TAF4B: variants seen among roughly 807,000 people sequenced by gnomAD.
TAF4B encodes TATA-box binding protein associated factor 4b, also known as transcription initiation factor TFIID subunit 4B.
A neutral mutation model predicts 86.4 loss-of-function variants in TAF4B; 38 were observed. That is an observed-to-expected ratio of 0.44 (90% CI 0.34 to 0.58). The LOEUF (loss-of-function observed/expected upper bound fraction) is 0.58. Ranked by LOEUF, TAF4B falls within the 20% of genes least tolerant of loss-of-function variation. The pLI is 0.02. For missense variants in TAF4B, 988 were observed against 1,027.6 expected (o/e 0.96, Z 0.53); for synonymous variants, 388 against 391.2 (o/e 0.99, Z 0.10).
intron 14 of TAF4B, among the ~76,000 whole-genome samples, chr18:26,374,650 A>G (rs1398857408): frequency 6.6e-6 from 1 of 152,318 alleles, no homozygotes; most frequent in Admixed American, 6.5e-5. Context: ...CATAGTTTAA[A>G]TGATGGTTAA....
intron 1 of TAF4B, among the ~76,000 whole-genome samples, chr18:26,261,632 C>A (rs1236615890): frequency 6.6e-6 from 1 of 152,172 alleles, no homozygotes; most frequent in Non-Finnish European, 1.5e-5. Flanking sequence ...TCAACAATGC[C>A]CTAGAGCCTA....
intron 1 of TAF4B, among the ~76,000 whole-genome samples, chr18:26,247,145 G>T (rs1048625201): frequency 6.6e-6 from 1 of 152,148 alleles, no homozygotes; most frequent in Non-Finnish European, 1.5e-5. Context: ...GATTACAGGC[G>T]TGAGCCACCA....
chr18:26,338,099 A>G (rs2144701985), intron 13 of TAF4B, among the ~76,000 whole-genome samples: 1 of 152,290 alleles, frequency 6.6e-6, no homozygotes, highest in African/African-American at 2.4e-5. Flanking sequence ...TTAAATCACA[A>G]TCTGAATCCC....
chr18:26,330,071 T>C (rs2057038931), intron 12 of TAF4B, among the ~76,000 whole-genome samples: 1 of 152,200 alleles, frequency 6.6e-6, no homozygotes, highest in Non-Finnish European at 1.5e-5. Context: ...TCTAAGATGA[T>C]ACCAATATCC....
chr18:26,258,709 T>A (rs1269989855), intron 1 of TAF4B, among the ~76,000 whole-genome samples: 5 of 152,104 alleles, frequency 3.3e-5, no homozygotes, highest in Admixed American at 1.3e-4. Context: ...AAAAAATTTT[T>A]TTTAGAGACA....
intron 13 of TAF4B, among the ~76,000 whole-genome samples, chr18:26,347,470 G>T (rs1402036079): frequency 6.6e-6 from 1 of 152,014 alleles, no homozygotes; most frequent in Non-Finnish European, 1.5e-5. Flanking sequence ...TTTCTTTACA[G>T]GAAAAGATCC....
chr18:26,318,369 T>TTA (rs1369857932), intron 10 of TAF4B, among the ~76,000 whole-genome samples: 2 of 151,822 alleles, frequency 1.3e-5, no homozygotes, highest in African/African-American at 4.8e-5. Context: ...TTTTTTTTTT[T>TTA]AAAGTAGGAT....
At chr18:26,285,222 G>GTTTTTTTTTTTGTTTTTTTTTTTTTT (rs1555677501) in intron 6 of TAF4B, among the ~76,000 whole-genome samples, 2 of 45,660 alleles carry the variant, frequency 4.4e-5, no homozygotes, top group East Asian at 2.2e-3. Context: ...TTTTTTTTTT[G>GTTTTTTTTTTTGTTTTTTTTTTTTTT]TTTTTTTTTT....
intron 1 of TAF4B, among the ~76,000 whole-genome samples, chr18:26,263,491 TCCTTGG>T (rs1262126921): frequency 2.6e-5 from 4 of 152,216 alleles, no homozygotes; most frequent in Admixed American, 2.6e-4. Context: ...CCTTTCCTTG[TCCTTGG>T]CCTCTGTGTT....
intron 10 of TAF4B, among the ~76,000 whole-genome samples, chr18:26,320,467 G>C (rs1293203147): frequency 6.6e-6 from 1 of 152,214 alleles, no homozygotes; most frequent in African/African-American, 2.4e-5. Flanking sequence ...TCTAGTGAGA[G>C]AGAAGTTATT....
intron 1 of TAF4B, among the ~76,000 whole-genome samples, chr18:26,227,820 C>G (rs912687251): frequency 6.6e-6 from 1 of 152,228 alleles, no homozygotes; most frequent in Admixed American, 6.5e-5. Flanking sequence ...TACGGCCTAA[C>G]AGTGAAGTTC....
intron 7 of TAF4B, among the ~76,000 whole-genome samples, chr18:26,289,648 G>A (rs1359702710): frequency 6.6e-6 from 1 of 152,006 alleles, no homozygotes; most frequent in African/African-American, 2.4e-5. Context: ...CATCACACCC[G>A]GCTAATTTTT....
At chr18:26,289,493 G>A (rs1005560893) in intron 7 of TAF4B, among the ~76,000 whole-genome samples, 1 of 151,756 alleles carries the variant, frequency 6.6e-6, no homozygotes, top group Non-Finnish European at 1.5e-5. Context: ...GTTTCGTTTC[G>A]CTTTGTTTTT....
intron 14 of TAF4B, among the ~76,000 whole-genome samples, chr18:26,373,966 T>G (rs758148843): frequency 6.6e-6 from 1 of 152,218 alleles, no homozygotes; most frequent in Admixed American, 6.5e-5. Context: ...GAGCCCATGA[T>G]GTACCTTGTT....
intron 13 of TAF4B, among the ~76,000 whole-genome samples, chr18:26,356,072 A>C (rs908710423): frequency 6.6e-6 from 1 of 152,176 alleles, no homozygotes; most frequent in Admixed American, 6.5e-5. Flanking sequence ...TGGGTAGCTT[A>C]TACACAACAG....
intron 9 of TAF4B, among the ~76,000 whole-genome samples, chr18:26,308,094 A>AC (rs1555680573): frequency 2.0e-5 from 3 of 151,582 alleles, no homozygotes; most frequent in African/African-American, 7.3e-5. Context: ...AAAACAAAAA[A>AC]CCCCCCAAAA....
chr18:26,354,501 T>G (rs938701659), intron 13 of TAF4B, among the ~76,000 whole-genome samples: 13 of 152,186 alleles, frequency 8.5e-5, no homozygotes, highest in Non-Finnish European at 1.5e-5. Flanking sequence ...AAATAGTAAA[T>G]TATTCTAGCA....
intron 14 of TAF4B, among the ~76,000 whole-genome samples, chr18:26,364,729 G>GTATA (rs10674626): frequency 0.35 from 53,544 of 151,580 alleles, 11,441 homozygotes; most frequent in East Asian, 0.81. Flanking sequence ...AGCTATGAAA[G>GTATA]TATTAAGGAA....
intron 1 of TAF4B, among the ~76,000 whole-genome samples, chr18:26,244,037 C>T (rs1232436446): frequency 6.6e-6 from 1 of 152,214 alleles, no homozygotes; most frequent in Non-Finnish European, 1.5e-5. Context: ...CATCAGGGAC[C>T]CACTTGAGGA....
Sources: gnomAD v4.1 joint callset for allele counts (sites outside exome capture counted in the v4.1 genomes callset) on GRCh38, gnomAD v4.1.1 for gene constraint, MANE v1.5 for transcripts, NCBI Gene and HGNC (gene_info 2026-07-23, HGNC 2026-07-21) for gene names.